RAD51B: variants seen among roughly 807,000 people sequenced by gnomAD.
RAD51B encodes the protein RAD51 paralog B, also known as DNA repair protein RAD51 homolog 2.
Under a neutral mutation model 42.2 loss-of-function variants are expected in RAD51B, and 38 were observed. That is an observed-to-expected ratio of 0.90 (90% CI 0.70 to 1.18). RAD51B has a LOEUF of 1.18. RAD51B is among the 50% of genes most tolerant of loss of function. RAD51B has a pLI of 0.00. For synonymous variants in RAD51B, 154 were observed against 145.2 expected, an observed-to-expected ratio of 1.06 and a Z score of -0.43; for missense variants, 373 against 400.7, an observed-to-expected ratio of 0.93 and a Z score of 0.59.
At chr14:67,886,011 T>G in intron 6 of RAD51B, 23 bp downstream of exon 6, 5 of 1,522,124 alleles carry the variant, frequency 3.3e-6, no homozygotes, top group Non-Finnish European at 4.5e-6. Context: ...AGATTTTGAT[T>G]TTTTAGTAAT....
chr14:68,365,351 G>T (rs2083120082), intron 8 of RAD51B, among the ~76,000 whole-genome samples: 1 of 152,224 alleles, frequency 6.6e-6, no homozygotes, highest in African/African-American at 2.4e-5. Context: ...GAACTGTCCT[G>T]TTTGTCTTAC....
At chr14:68,651,449 G>A (rs1390951653) in intron 11 of RAD51B, among the ~76,000 whole-genome samples, 1 of 152,210 alleles carries the variant, frequency 6.6e-6, no homozygotes, top group Non-Finnish European at 1.5e-5. Context: ...ACAGGTGTGA[G>A]CCAGCATGCC....
At chr14:68,188,743 TAG>T (rs1342639519) in intron 7 of RAD51B, among the ~76,000 whole-genome samples, 1 of 152,222 alleles carries the variant, frequency 6.6e-6, no homozygotes, top group African/African-American at 2.4e-5. Context: ...CTCTCCTATT[TAG>T]AGACTTCTTT....
intron 7 of RAD51B, among the ~76,000 whole-genome samples, chr14:67,980,918 GA>G (rs1440859176): frequency 1.3e-5 from 2 of 152,106 alleles, no homozygotes; most frequent in African/African-American, 4.8e-5. Context: ...TTCTGCTCTT[GA>G]AAAGAGAATG....
chr14:68,120,071 G>A (rs1187566974), intron 7 of RAD51B, among the ~76,000 whole-genome samples: 5 of 152,300 alleles, frequency 3.3e-5, no homozygotes, highest in African/African-American at 1.2e-4. Context: ...GATGGCCAGT[G>A]ATGGTGAGCG....
intron 10 of RAD51B, among the ~76,000 whole-genome samples, chr14:68,517,502 AT>A (rs1381685093): frequency 6.6e-6 from 1 of 152,150 alleles, no homozygotes; most frequent in African/African-American, 2.4e-5. Context: ...ATTATGAAAT[AT>A]TATCAAAATT....
At chr14:68,336,957 C>T (rs116476928) in intron 8 of RAD51B, among the ~76,000 whole-genome samples, 4,729 of 152,254 alleles carry the variant, frequency 0.031, 227 homozygotes, top group African/African-American at 0.1. Context: ...TTTTAACAAA[C>T]ATTACAGTAA....
chr14:68,357,285 T>C (rs1046520520), intron 8 of RAD51B, among the ~76,000 whole-genome samples: 1 of 152,228 alleles, frequency 6.6e-6, no homozygotes, highest in African/African-American at 2.4e-5. Context: ...TGTTTTGTCA[T>C]GAGATTGCAG....
At chr14:68,673,414 CTG>C (rs1333453395) in intron 11 of RAD51B, among the ~76,000 whole-genome samples, 3 of 148,378 alleles carry the variant, frequency 2.0e-5, no homozygotes, top group African/African-American at 7.6e-5. Context: ...CACACACATA[CTG>C]TATGCAAACA....
intron 1 of RAD51B, among the ~76,000 whole-genome samples, chr14:67,821,839 C>T (rs1312035013): frequency 6.6e-6 from 1 of 151,962 alleles, no homozygotes; most frequent in African/African-American, 2.4e-5. Context: ...CTTGAAACTA[C>T]CTGATCTGAA....
intron 10 of RAD51B, among the ~76,000 whole-genome samples, chr14:68,544,568 A>G (rs1888126454): frequency 1.3e-5 from 2 of 152,238 alleles, no homozygotes; most frequent in South Asian, 4.1e-4. Flanking sequence ...TAAGACTGTC[A>G]AGAAAAATCT....
intron 7 of RAD51B, among the ~76,000 whole-genome samples, chr14:68,238,459 C>G (rs1377175357): frequency 6.6e-6 from 1 of 152,036 alleles, no homozygotes; most frequent in African/African-American, 2.4e-5. Flanking sequence ...TACCACTGTG[C>G]CCAGCTAAAT....
chr14:67,969,041 A>G (rs2074842949), intron 7 of RAD51B, among the ~76,000 whole-genome samples: 1 of 152,172 alleles, frequency 6.6e-6, no homozygotes, highest in Non-Finnish European at 1.5e-5. Flanking sequence ...AGGATGCAAA[A>G]GTGGAAGCCC....
chr14:67,995,386 AAACAAC>A lies in RAD51B; in HGVS notation c.756+108209_756+108214del, dbSNP rs201556258. On this transcript the variant is annotated intron_variant, in intron 7 of 10. Transcript: ENST00000471583. ...GCAACAGAGCGAGACTCCATCTCAA[AAACAAC>A]AACAACAACAACAACAACAACAACA... Among the ~76,000 whole-genome samples the A allele has an allele frequency of 1.8e-4, 27 of 146,658 alleles. 1 individual carries two copies. Among genetic ancestry groups the A allele is most frequent in the Admixed American group, 3.3e-4 (5 of 15,052 alleles).
At chr14:68,182,799 C>T (rs986416544) in intron 7 of RAD51B, among the ~76,000 whole-genome samples, 13 of 152,098 alleles carry the variant, frequency 8.5e-5, no homozygotes, top group Admixed American at 3.9e-4. Context: ...CGATTTAAGG[C>T]GCATAGACTC....
Position 68,431,123 on chromosome 14 carries a change from C to T in RAD51B, c.957+19596C>T, listed in dbSNP as rs1307387703. Among the ~76,000 whole-genome samples, 9 of 152,204 alleles carry T rather than the reference C, an allele frequency of 5.9e-5. No individual in the cohort carries two copies. The East Asian group carries it at 1.7e-3, about 29-fold the overall frequency. On this transcript the variant is annotated intron_variant, in intron 9 of 10. Transcript: ENST00000471583. ...AGCCCACTTGATCATGGTGGATAAG[C>T]TTTTTGATGTGCTGCTGGATTCAGT...
At chr14:68,089,120 C>A (rs534252209) in intron 7 of RAD51B, among the ~76,000 whole-genome samples, 2 of 152,214 alleles carry the variant, frequency 1.3e-5, no homozygotes, top group African/African-American at 2.4e-5. Flanking sequence ...TCCCCACTCT[C>A]ATTAGTCACT....
intron 7 of RAD51B, among the ~76,000 whole-genome samples, chr14:68,192,559 A>G (rs1057257167): frequency 1.3e-5 from 2 of 152,222 alleles, no homozygotes; most frequent in Admixed American, 1.3e-4. Flanking sequence ...AATATCAGCC[A>G]TCAGAAGTTA....
intron 8 of RAD51B, among the ~76,000 whole-genome samples, chr14:68,313,188 A>G (rs2081995481): frequency 2.0e-5 from 3 of 152,196 alleles, no homozygotes; most frequent in Admixed American, 2.0e-4. Context: ...TGGGAACTGC[A>G]CTGCATGTCT....
Sources: gnomAD v4.1 joint callset for allele counts (sites outside exome capture counted in the v4.1 genomes callset) on GRCh38, gnomAD v4.1.1 for gene constraint, MANE v1.5 for transcripts, NCBI Gene and HGNC (gene_info 2026-07-23, HGNC 2026-07-21) for gene names.